Variants in MYO10 observed in about 807,000 individuals in gnomAD.
MYO10 encodes myosin X.
MYO10 carries 133 observed loss-of-function variants against 257.3 expected under a neutral mutation model. The ratio of observed to expected loss-of-function variants is 0.52; its 90% CI spans 0.45 to 0.60. The LOEUF (loss-of-function observed/expected upper bound fraction) is 0.60, where lower values mean the gene tolerates loss of function less well. Among genes scored for constraint, MYO10 ranks in the 20% least tolerant of loss-of-function variants. The pLI is 0.00. For missense variants in MYO10, 2,399 were observed against 2,635.7 expected, an observed-to-expected ratio of 0.91 and a Z score of 1.97; for synonymous variants, 1,104 against 1,028.6, an observed-to-expected ratio of 1.07 and a Z score of -1.40.
intron 4 of MYO10, among the ~76,000 whole-genome samples, chr5:16,792,358 G>C (rs1741792507): frequency 6.6e-6 from 1 of 152,190 alleles, no homozygotes; most frequent in African/African-American, 2.4e-5. Context: ...CCAAATCAAA[G>C]GGCTGTCAGG....
chr5:16,820,473 A>C (rs532793056), intron 2 of MYO10, among the ~76,000 whole-genome samples: 1 of 152,192 alleles, frequency 6.6e-6, no homozygotes, highest in Non-Finnish European at 1.5e-5. Context: ...AGCTCCCGGC[A>C]CACACCTGAG....
At chr5:16,845,946 G>C (rs900161670) in intron 2 of MYO10, among the ~76,000 whole-genome samples, 3 of 151,930 alleles carry the variant, frequency 2.0e-5, no homozygotes, top group African/African-American at 7.3e-5. Flanking sequence ...CCTGGTGACA[G>C]AGCGAGACTC....
rs905060676 is a variant in MYO10, at chr5:16,936,105, AGGCGGGGGAAGGC to A, written c.-310_-298del. On this transcript the variant is annotated 5_prime_UTR_variant, in exon 1 of 41. Coordinates refer to ENST00000513610, the MANE Select transcript of MYO10 (RefSeq NM_012334.3). ...ACAGCTGGTGGCACATTCTTCCCCC[AGGCGGGGGAAGGC>A]GGCGGGGTGCTGGCGAGCGCGGCCC... is the stretch of plus-strand genomic sequence containing the variant. 7.5e-6 allele frequency: 3 copies of A among 401,926 alleles called. No individual in the cohort carries two copies. The highest frequency in any genetic ancestry group is 6.4e-5 in the African/African-American group (3 of 46,786). The allele number at this position is 401,926 out of a possible 1,614,324, so 24.9% of individuals were successfully genotyped here.
intron 19 of MYO10, among the ~76,000 whole-genome samples, chr5:16,753,466 CTTTTTTTTTTT>C (rs143614063): frequency 2.4e-5 from 2 of 83,166 alleles, no homozygotes; most frequent in Admixed American, 2.6e-4. Context: ...CGTGCCCGGC[CTTTTTTTTTTT>C]TTTTTTTTTT....
intron 2 of MYO10, among the ~76,000 whole-genome samples, chr5:16,856,779 G>C (rs1335635282): frequency 6.6e-6 from 1 of 152,106 alleles, no homozygotes; most frequent in Admixed American, 6.5e-5. Flanking sequence ...AGTCATGCAT[G>C]ACCCTGAGTG....
At chr5:16,746,627 A>G (rs571731375) in intron 19 of MYO10, among the ~76,000 whole-genome samples, 1 of 152,362 alleles carries the variant, frequency 6.6e-6, no homozygotes, top group East Asian at 1.9e-4. Context: ...CAGATTTACC[A>G]GTGAAACAGA....
At chr5:16,679,850 A>T in intron 33 of MYO10, 97 bp downstream of exon 33, 3 of 1,460,824 alleles carry the variant, frequency 2.1e-6, no homozygotes, top group Non-Finnish European at 2.8e-6. Context: ...TGATTACAGA[A>T]AAAAAACTGA....
At chr5:16,823,421 G>A (rs1459452158) in intron 2 of MYO10, among the ~76,000 whole-genome samples, 4 of 107,174 alleles carry the variant, frequency 3.7e-5, no homozygotes, top group Non-Finnish European at 7.5e-5. Context: ...CTCCAGTCTG[G>A]ATGACAGGGC....
intron 3 of MYO10, among the ~76,000 whole-genome samples, chr5:16,804,785 C>T (rs1377471754): frequency 1.3e-5 from 2 of 152,034 alleles, no homozygotes; most frequent in African/African-American, 2.4e-5. Context: ...TGTGGTAGTG[C>T]ATGCCTGTAG....
rs764179162 is a variant in MYO10, at chr5:16,764,357, C to T, written c.1219G>A (p.Ala407Thr). 29 of 1,613,848 alleles carry T rather than the reference C, an allele frequency of 1.8e-5. 2 individuals carry two copies. The South Asian group carries it at 3.1e-4, about 17-fold the overall frequency. ...SRDSLAMALY[A>T]CCFEWVIKKI... The stretch of plus-strand genomic sequence containing the variant: ...TTGATTACCCACTCAAAGCAGCACG[C>T]ATACAGAGCCATGGCCAGGGAGTCC... Residue 407 changes from alanine (A) to threonine (T), a missense_variant, in exon 12 of 41, where the codon GCG becomes ACG. Ala to Thr is a moderately conservative substitution (Grantham distance 58). Around this residue, in one of 3 missense-constraint regions of MYO10, gnomAD observed 337 missense variants for 446.8 expected, o/e 0.75. Coordinates refer to ENST00000513610, the MANE Select transcript of MYO10 (RefSeq NM_012334.3).
At chr5:16,861,402 C>CAAAAAT (rs1744105036) in intron 2 of MYO10, among the ~76,000 whole-genome samples, 2 of 151,704 alleles carry the variant, frequency 1.3e-5, no homozygotes, top group Non-Finnish European at 1.5e-5. Flanking sequence ...CCTGTCTCTA[C>CAAAAAT]AAAAATAAAA....
At chr5:16,669,884 C>T (rs2126458038) in intron 39 of MYO10, among the ~76,000 whole-genome samples, 1 of 152,292 alleles carries the variant, frequency 6.6e-6, no homozygotes, top group South Asian at 2.1e-4. Flanking sequence ...GTCTCTGTCA[C>T]AACTACTCAA....
chr5:16,701,071 G>A lies in MYO10; in HGVS notation c.3324C>T (p.Thr1108=). 1 of 1,574,676 alleles carries A rather than the reference G, an allele frequency of 6.4e-7. No homozygotes were observed. The highest frequency in any genetic ancestry group is 8.6e-7 in the Non-Finnish European group (1 of 1,160,848). The change falls in exon 25 of 41, where the codon ACC becomes ACT. Residue 1108 remains threonine, a synonymous_variant. Transcript: ENST00000513610. The surrounding 1 kb of genome is among the most constrained non-coding windows in gnomAD (Gnocchi z 8.1). ...ACTGGCTGCCGTAGGAGTTGGAGAA[G>A]GTCACGCTGCTGCCGGAAGTGATGG... is the stretch of plus-strand genomic sequence containing the variant. ...DGAITSGSSV[T]FSNSYGSQWS... is the part of the protein sequence containing the mutation.
chr5:16,910,184 T>C (rs987341682), intron 1 of MYO10, among the ~76,000 whole-genome samples: 2 of 152,258 alleles, frequency 1.3e-5, no homozygotes, highest in African/African-American at 4.8e-5. Context: ...ACAATGTAGA[T>C]GCACTGGCTG....
At chr5:16,761,911 C>A (rs2126649954) in intron 16 of MYO10, 134 bp downstream of exon 16, 1 of 934,178 alleles carries the variant, frequency 1.1e-6, no homozygotes, top group East Asian at 2.8e-5. Context: ...CCTCAGCCTC[C>A]CAAAGTACTG....
At chr5:16,823,876 T>C (rs985573044) in intron 2 of MYO10, among the ~76,000 whole-genome samples, 1 of 152,054 alleles carries the variant, frequency 6.6e-6, no homozygotes, top group Non-Finnish European at 1.5e-5. Flanking sequence ...CAAGTTGGAA[T>C]AAACTGAGTT....
intron 2 of MYO10, among the ~76,000 whole-genome samples, chr5:16,853,803 T>A (rs1743882858): frequency 6.6e-6 from 1 of 152,150 alleles, no homozygotes; most frequent in South Asian, 2.1e-4. Flanking sequence ...ACTGTCTACG[T>A]AAGTGTGTTC....
chr5:16,892,453 C>T (rs1580122019), intron 1 of MYO10, among the ~76,000 whole-genome samples: 1 of 152,108 alleles, frequency 6.6e-6, no homozygotes, highest in Middle Eastern at 3.4e-3. Context: ...TCAGCCTGGG[C>T]AACATGGTGA....
chr5:16,676,701 G>C (rs1347638285), intron 33 of MYO10, among the ~76,000 whole-genome samples: 2 of 152,152 alleles, frequency 1.3e-5, no homozygotes, highest in Non-Finnish European at 2.9e-5. Context: ...GGCTGACAGA[G>C]CGAGACTCCG....
Sources: allele counts gnomAD v4.1 joint callset (sites outside exome capture counted in the v4.1 genomes callset), GRCh38; gene constraint gnomAD v4.1.1; regional missense constraint gnomAD v4.1.1; non-coding constraint Gnocchi (gnomAD v3.1); transcripts MANE v1.5; gene names NCBI Gene and HGNC (gene_info 2026-07-23, HGNC 2026-07-21).